RAD51B: variants seen among roughly 807,000 people sequenced by gnomAD.
RAD51B encodes RAD51 paralog B, also known as DNA repair protein RAD51 homolog 2.
Under a neutral mutation model 42.2 loss-of-function variants are expected in RAD51B, and 38 were observed. The ratio of observed to expected loss-of-function variants is 0.90; its 90% CI spans 0.70 to 1.18. RAD51B has a LOEUF of 1.18. RAD51B is among the 50% of genes most tolerant of loss of function. The pLI is 0.00. For synonymous variants in RAD51B, 154 were observed against 145.2 expected (o/e 1.06, Z -0.43); for missense variants, 373 against 400.7 (o/e 0.93, Z 0.59).
At chr14:68,344,033 A>C (rs899984389) in intron 8 of RAD51B, among the ~76,000 whole-genome samples, 3 of 152,274 alleles carry the variant, frequency 2.0e-5, no homozygotes, top group Non-Finnish European at 4.4e-5. Context: ...CCTGCTGCAG[A>C]GGTGGAGCCC....
chr14:67,887,278 G>C, intron 7 of RAD51B, 74 bp downstream of exon 7: 1 of 1,256,724 alleles, frequency 8.0e-7, no homozygotes, highest in Non-Finnish European at 1.1e-6. Context: ...CTGACTTATG[G>C]TATCAAATAA....
intron 7 of RAD51B, among the ~76,000 whole-genome samples, chr14:67,887,868 T>C (rs745367207): frequency 2.2e-4 from 34 of 152,196 alleles, no homozygotes; most frequent in Non-Finnish European, 3.8e-4. Context: ...GACGTAAGTG[T>C]GTACTAAGTT....
At chr14:68,254,719 A>G (rs918068202) in intron 7 of RAD51B, among the ~76,000 whole-genome samples, 5 of 152,252 alleles carry the variant, frequency 3.3e-5, no homozygotes, top group African/African-American at 9.6e-5. Flanking sequence ...TTATTTACTT[A>G]AAAGTGTATA....
At chr14:67,992,773 G>A (rs563571622) in intron 7 of RAD51B, among the ~76,000 whole-genome samples, 118 of 151,482 alleles carry the variant, frequency 7.8e-4, no homozygotes, top group African/African-American at 2.7e-3. Context: ...TTTCTAGGAA[G>A]CATTATTTAT....
intron 8 of RAD51B, among the ~76,000 whole-genome samples, chr14:68,293,572 C>G (rs1211593154): frequency 1.3e-5 from 2 of 152,170 alleles, no homozygotes; most frequent in Admixed American, 6.5e-5. Flanking sequence ...CTGCCCCTCC[C>G]CACTCCCAGC....
At chr14:68,646,977 T>C (rs1161528368) in intron 10 of RAD51B, among the ~76,000 whole-genome samples, 1 of 152,218 alleles carries the variant, frequency 6.6e-6, no homozygotes, top group Admixed American at 6.5e-5. Flanking sequence ...CATTCATGTA[T>C]TCAACAAATA....
intron 7 of RAD51B, among the ~76,000 whole-genome samples, chr14:68,065,489 G>A (rs1414298180): frequency 6.6e-6 from 1 of 152,174 alleles, no homozygotes; most frequent in African/African-American, 2.4e-5. Context: ...TAGGGGTGAG[G>A]TGTCAGGCTA....
chr14:68,437,011 T>C (rs1349970159), intron 9 of RAD51B, among the ~76,000 whole-genome samples: 1 of 152,196 alleles, frequency 6.6e-6, no homozygotes, highest in East Asian at 1.9e-4. Context: ...CTATTATTTC[T>C]TTCTTTTGCC....
intron 7 of RAD51B, among the ~76,000 whole-genome samples, chr14:68,286,826 A>G (rs1241135698): frequency 6.6e-6 from 1 of 152,226 alleles, no homozygotes; most frequent in Non-Finnish European, 1.5e-5. Context: ...CTGAAGGCAG[A>G]GGGTCTGCAT....
intron 8 of RAD51B, among the ~76,000 whole-genome samples, chr14:68,399,355 C>T (rs1261042295): frequency 1.3e-5 from 2 of 148,444 alleles, no homozygotes; most frequent in Admixed American, 1.3e-4. Context: ...TTCCCGGGTT[C>T]ACGCCATTCT....
intron 7 of RAD51B, among the ~76,000 whole-genome samples, chr14:67,989,658 GAAAGAAAGAAA>G (rs1369278274): frequency 8.0e-4 from 88 of 110,010 alleles, no homozygotes; most frequent in African/African-American, 3.3e-3. Context: ...AAAAAAAAAA[GAAAGAAAGAAA>G]AAAGAAAAAC....
chr14:68,677,128 C>T (rs369046100), intron 11 of RAD51B, among the ~76,000 whole-genome samples: 259 of 152,280 alleles, frequency 1.7e-3, no homozygotes, highest in African/African-American at 5.9e-3. Flanking sequence ...AGTCTACTGT[C>T]CCCTATTCCA....
intron 8 of RAD51B, among the ~76,000 whole-genome samples, chr14:68,322,585 G>A (rs2082175621): frequency 6.6e-6 from 1 of 152,160 alleles, no homozygotes; most frequent in African/African-American, 2.4e-5. Context: ...TGCATAAGTG[G>A]TACTCTATCC....
At chr14:68,045,575 A>G (rs2076287430) in intron 7 of RAD51B, among the ~76,000 whole-genome samples, 1 of 152,170 alleles carries the variant, frequency 6.6e-6, no homozygotes, top group South Asian at 2.1e-4. Context: ...AGTAAAAATA[A>G]CTTAATTTAG....
chr14:68,032,366 C>T (rs1393867084), intron 7 of RAD51B, among the ~76,000 whole-genome samples: 1 of 152,060 alleles, frequency 6.6e-6, no homozygotes, highest in African/African-American at 2.4e-5. Flanking sequence ...CTTTTTATCT[C>T]CTATTTATTT....
At chr14:68,621,923 C>T (rs61987070) in intron 10 of RAD51B, among the ~76,000 whole-genome samples, 24,409 of 152,218 alleles carry the variant, frequency 0.16, 2,314 homozygotes, top group Middle Eastern at 0.22. Flanking sequence ...CCCAACGCCA[C>T]TCCCCTTTCC....
At chr14:67,930,944 G>A (rs1373763108) in intron 7 of RAD51B, among the ~76,000 whole-genome samples, 5 of 142,410 alleles carry the variant, frequency 3.5e-5, no homozygotes, top group Non-Finnish European at 6.0e-5. Flanking sequence ...TTTTTGAGAC[G>A]GAGTCTCGCT....
intron 7 of RAD51B, among the ~76,000 whole-genome samples, chr14:68,122,228 TTAAA>T (rs2077664844): frequency 6.6e-6 from 1 of 152,100 alleles, no homozygotes; most frequent in Admixed American, 6.5e-5. Flanking sequence ...ATAACTAACT[TTAAA>T]TACTAAAAAA....
chr14:67,911,820 C>T (rs560142962), intron 7 of RAD51B, among the ~76,000 whole-genome samples: 1 of 152,280 alleles, frequency 6.6e-6, no homozygotes, highest in South Asian at 2.1e-4. Context: ...ATTCTTTCCT[C>T]AGCTCCATTC....
Sources: gnomAD v4.1 joint callset for allele counts (sites outside exome capture counted in the v4.1 genomes callset) on GRCh38, gnomAD v4.1.1 for gene constraint, MANE v1.5 for transcripts, NCBI Gene and HGNC (gene_info 2026-07-23, HGNC 2026-07-21) for gene names.